Variants in CAMK1D observed in about 807,000 individuals in gnomAD.
The protein encoded by CAMK1D is calcium/calmodulin dependent protein kinase ID.
CAMK1D carries 9 observed loss-of-function variants against 47.7 expected under a neutral mutation model. The observed-to-expected ratio is 0.19, with a 90% CI of 0.11 to 0.33. The LOEUF is 0.33. Among genes scored for constraint, CAMK1D ranks in the 10% least tolerant of loss-of-function variants. CAMK1D has a pLI of 1.00. For missense variants in CAMK1D, 291 were observed against 488.7 expected (o/e 0.60, Z 3.81); for synonymous variants, 184 against 184.9 (o/e 0.99, Z 0.04).
Position 12,515,524 on chromosome 10 carries a change from C to T in CAMK1D, c.93-37701C>T, listed in dbSNP as rs149176240. On this transcript the variant is annotated intron_variant, in intron 1 of 10. Coordinates refer to ENST00000619168, the MANE Select transcript of CAMK1D (RefSeq NM_153498.4). ...TGCTGGTGCGCTGCACCCACTAACT[C>T]GTCATCTAGCATTAGGTATATCTCC... 1.2e-3 allele frequency among the ~76,000 whole-genome samples: 172 copies of T among 140,406 alleles called. 7 individuals are homozygous for T. In the East Asian group the frequency reaches 0.034, roughly 27 times the overall value. The allele number at this position is 140,406 out of a possible 152,430, so 92.1% of individuals were successfully genotyped here. A position where few individuals can be genotyped will look rare whatever the true frequency, so the allele number is the denominator to read the frequency against.
chr10:12,481,490 CTGGCCT>C (rs1834063960), intron 1 of CAMK1D, among the ~76,000 whole-genome samples: 1 of 152,074 alleles, frequency 6.6e-6, no homozygotes, highest in Admixed American at 6.6e-5. Flanking sequence ...TGTTGTGTGG[CTGGCCT>C]TGTGTCAATT....
chr10:12,620,581 C>T (rs866875064), intron 2 of CAMK1D, among the ~76,000 whole-genome samples: 53 of 152,316 alleles, frequency 3.5e-4, no homozygotes, highest in African/African-American at 1.1e-3. Context: ...GGTGAAATGT[C>T]GCTTCATGTC....
intron 1 of CAMK1D, among the ~76,000 whole-genome samples, chr10:12,521,478 T>A (rs919565627): frequency 1.1e-4 from 16 of 152,240 alleles, no homozygotes; most frequent in Non-Finnish European, 2.1e-4. Flanking sequence ...TGATTTTTTT[T>A]AATTTAAAGT....
At chr10:12,824,643 C>T in intron 9 of CAMK1D, 91 bp downstream of exon 9, 1 of 1,032,280 alleles carries the variant, frequency 9.7e-7, no homozygotes, top group Non-Finnish European at 1.5e-6. Context: ...CCCAGAACCT[C>T]ACCTGAATAA....
At chr10:12,483,508 C>A (rs1834123194) in intron 1 of CAMK1D, among the ~76,000 whole-genome samples, 1 of 151,916 alleles carries the variant, frequency 6.6e-6, no homozygotes, top group Admixed American at 6.6e-5. Flanking sequence ...TCTTTAATTT[C>A]TATTTTTTAA....
intron 1 of CAMK1D, among the ~76,000 whole-genome samples, chr10:12,436,684 T>TG (rs971849472): frequency 1.3e-5 from 2 of 152,164 alleles, no homozygotes; most frequent in African/African-American, 4.8e-5. Context: ...CAAAGCCCCA[T>TG]GGGGGCATCT....
chr10:12,418,693 A>ATT (rs1564327627), intron 1 of CAMK1D, among the ~76,000 whole-genome samples: 1 of 152,128 alleles, frequency 6.6e-6, no homozygotes, highest in Admixed American at 6.5e-5. Context: ...ATCAGCATTA[A>ATT]ATTTTTTTTC....
intron 5 of CAMK1D, among the ~76,000 whole-genome samples, chr10:12,783,094 G>C (rs1837572673): frequency 6.6e-6 from 1 of 150,666 alleles, no homozygotes; most frequent in South Asian, 2.1e-4. Flanking sequence ...CTCGGTCCAA[G>C]CAGTTCTCCT....
At chr10:12,798,313 G>A (rs1446706049) in intron 6 of CAMK1D, among the ~76,000 whole-genome samples, 1 of 152,174 alleles carries the variant, frequency 6.6e-6, no homozygotes, top group African/African-American at 2.4e-5. Flanking sequence ...CACTTTTATC[G>A]AGCCTAACAT....
At position 12,674,821 on chromosome 10, in the gene CAMK1D, C is replaced by T. The variant is rs1355932731; in HGVS notation, c.299+8011C>T. ...GGCTGAGGCGGGTGGATCACGAGGT[C>T]AGGAGTTCAAGACTAGCCTGGCCAA... On this transcript the variant is annotated intron_variant, in intron 3 of 10. Transcript: ENST00000619168. Among the ~76,000 whole-genome samples, 6 of 151,548 alleles carry T rather than the reference C, an allele frequency of 4.0e-5. No homozygotes were observed. In the South Asian group the frequency reaches 6.2e-4, roughly 16 times the overall value.
chr10:12,369,277 A>G (rs1837939820), intron 1 of CAMK1D, among the ~76,000 whole-genome samples: 1 of 152,228 alleles, frequency 6.6e-6, no homozygotes, highest in African/African-American at 2.4e-5. Flanking sequence ...CCTGAATGAC[A>G]TAGTTAGGAT....
At chr10:12,660,037 A>G (rs1408335703) in intron 2 of CAMK1D, among the ~76,000 whole-genome samples, 1 of 151,996 alleles carries the variant, frequency 6.6e-6, no homozygotes, top group Non-Finnish European at 1.5e-5. Context: ...TTCCGATTGT[A>G]TTTTCTTACA....
At chr10:12,547,326 A>G (rs947797722) in intron 1 of CAMK1D, among the ~76,000 whole-genome samples, 2 of 152,296 alleles carry the variant, frequency 1.3e-5, no homozygotes, top group East Asian at 3.9e-4. Context: ...GTGGAGGAAG[A>G]AGGTCGACTG....
chr10:12,660,412 G>A (rs1377828768), intron 2 of CAMK1D, among the ~76,000 whole-genome samples: 1 of 152,198 alleles, frequency 6.6e-6, no homozygotes, highest in Non-Finnish European at 1.5e-5. Flanking sequence ...GGGTCCTGAT[G>A]TTCCCTTACA....
At chr10:12,691,399 ATATAAATATATATATATATATATT>A (rs1832908647) in intron 3 of CAMK1D, among the ~76,000 whole-genome samples, 1 of 7,156 alleles carries the variant, frequency 1.4e-4, no homozygotes, top group African/African-American at 5.0e-4. Context: ...ATATATATAT[ATATAAATATATATATATATATATT>A]TTTTTTTTTT....
intron 3 of CAMK1D, among the ~76,000 whole-genome samples, chr10:12,727,786 C>CTGCCCT (rs1834717073): frequency 7.2e-6 from 1 of 138,232 alleles, no homozygotes; most frequent in Non-Finnish European, 1.5e-5. Flanking sequence ...TTTTTTGAGA[C>CTGCCCT]TGAGTCTCGC....
chr10:12,464,447 T>C (rs1160400511), intron 1 of CAMK1D, among the ~76,000 whole-genome samples: 1 of 152,170 alleles, frequency 6.6e-6, no homozygotes, highest in Admixed American at 6.5e-5. Flanking sequence ...TCGTGTGGCT[T>C]TACCTACCCT....
At chr10:12,504,914 C>A (rs564442608) in intron 1 of CAMK1D, among the ~76,000 whole-genome samples, 2 of 152,122 alleles carry the variant, frequency 1.3e-5, no homozygotes, top group African/African-American at 4.8e-5. Context: ...GGTGTGGGCC[C>A]GGATCTCTTG....
chr10:12,748,554 C>A (rs753591955), intron 3 of CAMK1D, among the ~76,000 whole-genome samples: 31 of 152,166 alleles, frequency 2.0e-4, no homozygotes, highest in Admixed American at 4.6e-4. Context: ...CTGGGAGCTG[C>A]TGTAAGCTTT....
Sources: allele counts gnomAD v4.1 joint callset (sites outside exome capture counted in the v4.1 genomes callset), GRCh38; gene constraint gnomAD v4.1.1; transcripts MANE v1.5; gene names NCBI Gene and HGNC (gene_info 2026-07-23, HGNC 2026-07-21).